RNF150: variants seen among roughly 807,000 people sequenced by gnomAD.
RNF150 encodes the protein ring finger protein 150.
A neutral mutation model predicts 39.3 loss-of-function variants in RNF150; 24 were observed. The ratio of observed to expected loss-of-function variants is 0.61; its 90% CI spans 0.44 to 0.86. The LOEUF (loss-of-function observed/expected upper bound fraction) is 0.86. Among genes scored for constraint, RNF150 ranks in the 40% least tolerant of loss-of-function variants. The pLI, the probability that RNF150 is intolerant of heterozygous loss-of-function variation, is 0.00. For missense variants in RNF150, 502 were observed against 587.8 expected, an observed-to-expected ratio of 0.85 and a Z score of 1.51; for synonymous variants, 255 against 227.3, an observed-to-expected ratio of 1.12 and a Z score of -1.10.
intron 1 of RNF150, among the ~76,000 whole-genome samples, chr4:141,197,616 C>T (rs1251068307): frequency 6.6e-6 from 1 of 152,142 alleles, no homozygotes; most frequent in Non-Finnish European, 1.5e-5. Context: ...CGGTGGCTCA[C>T]GTCTGTAATC....
At chr4:141,054,886 C>G (rs1392769975) in intron 1 of RNF150, among the ~76,000 whole-genome samples, 1 of 152,028 alleles carries the variant, frequency 6.6e-6, no homozygotes, top group African/African-American at 2.4e-5. Context: ...TACAGAGTAC[C>G]AGAGAAATTG....
chr4:141,078,127 T>C (rs1266195461), intron 1 of RNF150, among the ~76,000 whole-genome samples: 1 of 152,200 alleles, frequency 6.6e-6, no homozygotes, highest in Non-Finnish European at 1.5e-5. Flanking sequence ...CTAAAAATGA[T>C]GGCATAAATT....
chr4:140,959,129 C>G (rs1475447125), intron 2 of RNF150, among the ~76,000 whole-genome samples: 3 of 152,106 alleles, frequency 2.0e-5, no homozygotes, highest in Non-Finnish European at 4.4e-5. Flanking sequence ...GTCCTATGTA[C>G]TTAATACCCT....
In RNF150 at chr4:140,864,881, G is replaced by A. The variant is rs1728640108; in HGVS notation, c.*3380C>T. On this transcript the variant is annotated 3_prime_UTR_variant, in exon 7 of 7. Coordinates refer to ENST00000515673, the MANE Select transcript of RNF150 (RefSeq NM_020724.2). ...TGGACATCAATGATATGGTTAGAAA[G>A]TTCAAGCAGAAATTTTAAAAAGGGT... 1 of 152,188 alleles carries A rather than the reference G, an allele frequency of 6.6e-6. No individual in the cohort carries two copies. The highest frequency in any genetic ancestry group is 1.5e-5 in the Non-Finnish European group (1 of 68,032). The allele number at this position is 152,188 out of a possible 1,614,324, so 9.4% of individuals were successfully genotyped here. A position where few individuals can be genotyped will look rare whatever the true frequency, so the allele number is the denominator to read the frequency against.
At chr4:140,913,944 A>C (rs1424302850) in intron 5 of RNF150, among the ~76,000 whole-genome samples, 2 of 152,236 alleles carry the variant, frequency 1.3e-5, no homozygotes, top group Admixed American at 6.5e-5. Flanking sequence ...ATTAAGCAAA[A>C]CTAACTGTGG....
At chr4:141,062,589 T>C (rs575185866) in intron 1 of RNF150, among the ~76,000 whole-genome samples, 3 of 152,240 alleles carry the variant, frequency 2.0e-5, no homozygotes, top group Non-Finnish European at 4.4e-5. Context: ...AATATCCTTA[T>C]CAAGAGCTTC....
intron 1 of RNF150, among the ~76,000 whole-genome samples, chr4:141,176,272 C>A (rs1727810816): frequency 6.6e-6 from 1 of 152,076 alleles, no homozygotes; most frequent in South Asian, 2.1e-4. Flanking sequence ...ATTCTAATTC[C>A]CTTCCAAAGG....
intron 4 of RNF150, among the ~76,000 whole-genome samples, chr4:140,942,585 G>A (rs527849927): frequency 9.2e-5 from 14 of 152,272 alleles, no homozygotes; most frequent in Admixed American, 3.3e-4. Context: ...AACTATATGC[G>A]GTATGAGTCG....
intron 1 of RNF150, among the ~76,000 whole-genome samples, chr4:141,192,191 T>C (rs1031085210): frequency 6.6e-6 from 1 of 152,178 alleles, no homozygotes; most frequent in Non-Finnish European, 1.5e-5. Context: ...CTTTTGAACA[T>C]GAGAAAAGGA....
At position 141,060,617 on chromosome 4, in the gene RNF150, T is replaced by A. The variant is rs371168981; in HGVS notation, c.484+71708A>T. Among the ~76,000 whole-genome samples the A allele has an allele frequency of 2.1e-4, 32 of 152,298 alleles. No homozygotes were observed. The East Asian group carries it at 3.7e-3, about 17-fold the overall frequency. ...AAAGGTTTTTAATTCATTTTTAGCT[T>A]TACATTTGTATTATCTACCAATGTG... On this transcript the variant is annotated intron_variant, in intron 1 of 6. Transcript: ENST00000515673.
chr4:141,028,975 G>A (rs1735824174), intron 1 of RNF150, among the ~76,000 whole-genome samples: 2 of 152,066 alleles, frequency 1.3e-5, no homozygotes, highest in African/African-American at 2.4e-5. Flanking sequence ...AATTTATTAA[G>A]ATATGCTATA....
intron 1 of RNF150, among the ~76,000 whole-genome samples, chr4:141,005,048 G>A (rs532366824): frequency 2.0e-5 from 3 of 152,190 alleles, no homozygotes; most frequent in Non-Finnish European, 2.9e-5. Context: ...AACTAACAGG[G>A]CTTGGCAGGA....
At chr4:140,903,638 C>T (rs1335851187) in intron 6 of RNF150, among the ~76,000 whole-genome samples, 1 of 152,188 alleles carries the variant, frequency 6.6e-6, no homozygotes, top group Non-Finnish European at 1.5e-5. Flanking sequence ...ATGCTGGTAA[C>T]AGTTGCTGAG....
rs968079681 is a variant in RNF150 at position 141,191,904 on chromosome 4, T to C, written c.-6+20890A>G. ...CTTACTCAGCTTGGTTGTGGCCTCA[T>C]CATTTTTCCTGCCACTTTGGGCCAC... On this transcript the variant is annotated intron_variant, in intron 1 of 7. Transcript: ENST00000420921. 3.1e-5 allele frequency among the ~76,000 whole-genome samples: 4 copies of C among 127,680 alleles called. No homozygotes were observed. In the South Asian group the frequency reaches 1.3e-3, roughly 40 times the overall value. The allele number at this position is 127,680 out of a possible 152,430, so 83.8% of individuals were successfully genotyped here.
intron 1 of RNF150, among the ~76,000 whole-genome samples, chr4:141,012,201 C>G (rs932353230): frequency 1.3e-5 from 2 of 152,254 alleles, no homozygotes; most frequent in Non-Finnish European, 2.9e-5. Context: ...AGCTGCTTCT[C>G]TTGGAGAACT....
intron 1 of RNF150, among the ~76,000 whole-genome samples, chr4:141,212,034 C>T (rs1728476619): frequency 6.6e-6 from 1 of 152,194 alleles, no homozygotes; most frequent in African/African-American, 2.4e-5. Flanking sequence ...ACTACTCAAT[C>T]TGATTTAAAT....
rs529500425 is a variant in RNF150 at position 140,961,034 on chromosome 4, A to G, written c.735+6589T>C. On this transcript the variant is annotated intron_variant, in intron 2 of 6. Transcript: ENST00000515673. ...TCACACCACTAGGAATTATCAAAGCAAAGATTTGAATCGAGACCCATCTGA... is the reference window on the plus strand; with the variant it reads ...TCACACCACTAGGAATTATCAAAGCGAAGATTTGAATCGAGACCCATCTGA... 3.9e-5 allele frequency among the ~76,000 whole-genome samples: 6 copies of G among 152,238 alleles called. No homozygotes were observed. In the South Asian group the frequency reaches 1.0e-3, roughly 26 times the overall value.
chr4:141,134,326 G>A (rs1216811877), upstream of RNF150, among the ~76,000 whole-genome samples: 1 of 152,188 alleles, frequency 6.6e-6, no homozygotes, highest in African/African-American at 2.4e-5. Flanking sequence ...AGACGTTTTG[G>A]TGGTGGATAT....
chr4:140,986,478 C>T (rs1331650439), intron 1 of RNF150, among the ~76,000 whole-genome samples: 2 of 152,052 alleles, frequency 1.3e-5, no homozygotes, highest in African/African-American at 4.8e-5. Context: ...GCAAAGCTCA[C>T]GTTTGAACCA....
Sources: allele counts gnomAD v4.1 joint callset (sites outside exome capture counted in the v4.1 genomes callset), GRCh38; gene constraint gnomAD v4.1.1; transcripts MANE v1.5; gene names NCBI Gene and HGNC (gene_info 2026-07-23, HGNC 2026-07-21).